UBN1: variants seen among roughly 807,000 people sequenced by gnomAD.
UBN1 encodes ubinuclein-1.
A neutral mutation model predicts 108.5 loss-of-function variants in UBN1; 17 were observed. The observed-to-expected ratio is 0.16, with a 90% CI of 0.11 to 0.24. The LOEUF (loss-of-function observed/expected upper bound fraction) is 0.24, where lower values mean the gene tolerates loss of function less well. Ranked by LOEUF, UBN1 falls within the 10% of genes least tolerant of loss-of-function variation. The pLI is 1.00. For synonymous variants in UBN1, 726 were observed against 564.2 expected, an observed-to-expected ratio of 1.29 and a Z score of -4.07; for missense variants, 1,595 against 1,394.4, an observed-to-expected ratio of 1.14 and a Z score of -2.29.
Position 4,877,121 on chromosome 16 carries a change from T to C in UBN1, c.3265+10T>C. On this transcript the variant is annotated intron_variant, in intron 16 of 17. Coordinates refer to ENST00000262376, the MANE Select transcript of UBN1 (RefSeq NM_001079514.3). This position sits in a 1 kb window ranked among gnomAD's most constrained non-coding sequence, Gnocchi z 4.3. ...CATGGCCTTGGCCACAGTAAGTGCT[T>C]CTTTGCTGCCTCTGGTCACTCAGGA... 6.3e-7 allele frequency: 1 copy of C among 1,599,426 alleles called. No homozygotes were observed. Among genetic ancestry groups the C allele is most frequent in the Non-Finnish European group, 8.5e-7 (1 of 1,173,284 alleles).
At position 4,854,766 on chromosome 16, in the gene UBN1, A is replaced by T. The variant is rs1051384665; in HGVS notation, c.249+1600A>T. ...GAGACAGAGTCTCGCTCTGTCGCCC[A>T]GGCTGGCATGCAGTGGTGCAATCTT... On this transcript the variant is annotated intron_variant, in intron 2 of 17. Coordinates refer to ENST00000262376, the MANE Select transcript of UBN1 (RefSeq NM_001079514.3). 9.9e-5 allele frequency among the ~76,000 whole-genome samples: 15 copies of T among 151,022 alleles called. 1 individual carries two copies. The highest frequency in any genetic ancestry group is 5.9e-4 in the Admixed American group (9 of 15,142).
At chr16:4,858,249 A>G (rs1425611093) in intron 3 of UBN1, among the ~76,000 whole-genome samples, 173 bp downstream of exon 3, 2 of 152,264 alleles carry the variant, frequency 1.3e-5, no homozygotes, top group Admixed American at 6.5e-5. Flanking sequence ...GAAAAGGGGC[A>G]TGGCAGAGCT....
intron 12 of UBN1, chr16:4,872,372 GC>G: frequency 1.0e-6 from 1 of 984,014 alleles, no homozygotes; most frequent in Non-Finnish European, 1.2e-6. Flanking sequence ...GCCAGACTCA[GC>G]CTTTGGGCAG....
At chr16:4,865,409 G>A (rs956976241) in intron 7 of UBN1, among the ~76,000 whole-genome samples, 28 of 152,234 alleles carry the variant, frequency 1.8e-4, no homozygotes, top group East Asian at 7.7e-4. Context: ...GGCAGGGCGC[G>A]GTGGCTCATG....
chr16:4,851,162 CA>C (rs2142104631), intron 1 of UBN1, among the ~76,000 whole-genome samples: 1 of 152,248 alleles, frequency 6.6e-6, no homozygotes, highest in South Asian at 2.1e-4. Context: ...TATAGCATAG[CA>C]AATTCATCTG....
intron 2 of UBN1, among the ~76,000 whole-genome samples, chr16:4,854,194 C>A (rs147084870): frequency 1.4e-5 from 2 of 144,376 alleles, no homozygotes; most frequent in Non-Finnish European, 3.0e-5. Flanking sequence ...CCACCACGCC[C>A]GGCAAATTTT....
In UBN1 at chr16:4,875,371, G is replaced by A; in HGVS notation, c.2961G>A (p.Leu987=). ...GTGGGACCCAGGGAGTGGCAAAGTT[G>A]CTGACCTCGCCGTCCCTAAAGCCCT... ...SSGGTQGVAK[L]LTSPSLKPSA... The change falls in exon 15 of 18, where the codon TTG becomes TTA. Residue 987 remains leucine (L), a synonymous_variant. Transcript: ENST00000262376. The A allele has an allele frequency of 6.2e-7, 1 of 1,614,176 alleles. No individual in the cohort carries two copies. Among genetic ancestry groups the A allele is most frequent in the South Asian group, 1.1e-5 (1 of 91,088 alleles).
rs1320596239 is a variant in UBN1 at position 4,877,097 on chromosome 16, A to G, written c.3251A>G (p.His1084Arg). The G allele has an allele frequency of 1.2e-6, 2 of 1,611,204 alleles. No homozygotes were observed. The highest frequency in any genetic ancestry group is 1.7e-6 in the Non-Finnish European group (2 of 1,178,594). ...VTGPAPGSFH[H>R]GLGHSLLAGL... ...GGCCCTGCCCCCGGGTCCTTCCACC[A>G]TGGCCTTGGCCACAGTAAGTGCTTC... Residue 1084 changes from histidine (H) to arginine (R), a missense_variant, in exon 16 of 18, where the codon CAT (histidine) becomes CGT (arginine). Physicochemically the swap from His to Arg is conservative, Grantham distance 29. Around this residue, in one of 3 missense-constraint regions of UBN1, gnomAD observed 1,398 missense variants for 1,194.7 expected, o/e 1.17. Coordinates refer to ENST00000262376, the MANE Select transcript of UBN1 (RefSeq NM_001079514.3). The surrounding 1 kb of genome is among the most constrained non-coding windows in gnomAD (Gnocchi z 4.3).
rs192730873 is a variant in UBN1 at position 4,853,525 on chromosome 16, C to T, written c.249+359C>T. Among the ~76,000 whole-genome samples the T allele has an allele frequency of 6.6e-3, 973 of 147,310 alleles. 18 individuals carry two copies. Among genetic ancestry groups the T allele is most frequent in the African/African-American group, 0.023 (930 of 40,258 alleles). On this transcript the variant is annotated intron_variant, in intron 2 of 17. Transcript: ENST00000262376. ...GCTGTCTACCTAGTATAGGGGCAGA[C>T]AAAAAAACACGTAGACTGCCTTTTT... is the stretch of plus-strand genomic sequence containing the variant.
chr16:4,859,948 G>A lies in UBN1; in HGVS notation c.651G>A (p.Lys217=), dbSNP rs1596487030. ...DTYDKEKKSK[K]SKFSKAGFTA... ...ATGACAAGGAGAAGAAATCGAAAAAGTCCAAGTTTTCCAAAGCCGGGTGAG... is the reference window on the plus strand; with the variant it reads ...ATGACAAGGAGAAGAAATCGAAAAAATCCAAGTTTTCCAAAGCCGGGTGAG... The change falls in exon 6 of 18, where the codon AAG becomes AAA. Residue 217 remains lysine, a synonymous_variant. Coordinates refer to ENST00000262376, the MANE Select transcript of UBN1 (RefSeq NM_001079514.3). The A allele has an allele frequency of 3.1e-6, 5 of 1,614,162 alleles. No individual in the cohort carries two copies. The highest frequency in any genetic ancestry group is 4.2e-6 in the Non-Finnish European group (5 of 1,180,004).
intron 2 of UBN1, among the ~76,000 whole-genome samples, chr16:4,856,315 G>A (rs578064451): frequency 6.6e-6 from 1 of 152,270 alleles, no homozygotes; most frequent in African/African-American, 2.4e-5. Flanking sequence ...CCTGGACTTC[G>A]GGTTCAGAAC....
intron 12 of UBN1, chr16:4,872,259 A>T (rs2087680042): frequency 1.0e-6 from 1 of 985,192 alleles, no homozygotes; most frequent in African/African-American, 1.7e-5. Flanking sequence ...TCCACATTTT[A>T]TTCCTGGAAT....
At chr16:4,867,631 G>T (rs1187205595) in intron 7 of UBN1, among the ~76,000 whole-genome samples, 4 of 152,194 alleles carry the variant, frequency 2.6e-5, no homozygotes, top group Non-Finnish European at 4.4e-5. Context: ...GAGGGGGAAA[G>T]AAGTTATTGG....
rs547381868 is a variant in UBN1, at chr16:4,852,601, G to A, written c.-39-278G>A. 2.6e-5 allele frequency: 5 copies of A among 189,190 alleles called. No homozygotes were observed. In the East Asian group the frequency reaches 5.4e-4, roughly 21 times the overall value. The allele number at this position is 189,190 out of a possible 1,614,324, so 11.7% of individuals were successfully genotyped here. A position where few individuals can be genotyped will look rare whatever the true frequency, so the allele number is the denominator to read the frequency against. ...AATATTTTAGTAGTCTTTACAATTTGGAGGTCTAAGGCTCTGTCAGCATGG... is the reference window on the plus strand; with the variant it reads ...AATATTTTAGTAGTCTTTACAATTTAGAGGTCTAAGGCTCTGTCAGCATGG... On this transcript the variant is annotated intron_variant, in intron 1 of 17. Coordinates refer to ENST00000262376, the MANE Select transcript of UBN1 (RefSeq NM_001079514.3).
At chr16:4,861,635 C>G (rs574883358) in intron 7 of UBN1, among the ~76,000 whole-genome samples, 1 of 152,230 alleles carries the variant, frequency 6.6e-6, no homozygotes, top group South Asian at 2.1e-4. Context: ...TAAATGCTGT[C>G]CATGTCCCAT....
chr16:4,875,247 C>T lies in UBN1; in HGVS notation c.2837C>T (p.Thr946Ile), dbSNP rs901127515. The change falls in exon 15 of 18, where the codon ACC (threonine) becomes ATC (isoleucine). Residue 946 changes from threonine (T) to isoleucine (I), a missense_variant. Thr to Ile is a moderately conservative substitution (Grantham distance 89). Coordinates refer to ENST00000262376, the MANE Select transcript of UBN1 (RefSeq NM_001079514.3). ...CAGCCTCCCTCCGTGGGACAGGCCA[C>T]CAGCCGACCCGTCCCAAGTTCAGCA... is the stretch of plus-strand genomic sequence containing the variant. ...GIQPPSVGQA[T>I]SRPVPSSAGK... 1 of 1,614,236 alleles carries T rather than the reference C, an allele frequency of 6.2e-7. No homozygotes were observed. Among genetic ancestry groups the T allele is most frequent in the South Asian group, 1.1e-5 (1 of 91,082 alleles).
rs1228025836 is a variant in UBN1, at chr16:4,875,230, C to T, written c.2820C>T (p.Pro940=). Residue 940 remains proline, a synonymous_variant, in exon 15 of 18, where the codon CCC becomes CCT. Transcript: ENST00000262376. ...GCCTGGTCCCTGGCATACAGCCTCC[C>T]TCCGTGGGACAGGCCACCAGCCGAC... ...SGSLVPGIQP[P]SVGQATSRPV... is the part of the protein sequence containing the mutation. 1.9e-6 allele frequency: 3 copies of T among 1,614,094 alleles called. No individual in the cohort carries two copies. Among genetic ancestry groups the T allele is most frequent in the African/African-American group, 2.7e-5 (2 of 74,926 alleles).
intron 2 of UBN1, among the ~76,000 whole-genome samples, chr16:4,855,333 G>T (rs559668664): frequency 6.6e-6 from 1 of 152,124 alleles, no homozygotes; most frequent in South Asian, 2.1e-4. Flanking sequence ...GTGTTTTCTT[G>T]GCCTGGCATA....
At chr16:4,853,473 G>T (rs12325140) in intron 2 of UBN1, among the ~76,000 whole-genome samples, 1 of 151,824 alleles carries the variant, frequency 6.6e-6, no homozygotes, top group African/African-American at 2.4e-5. Context: ...TTTCATGCTG[G>T]ACATTTTCCT....
Sources: gnomAD v4.1 joint callset for allele counts (sites outside exome capture counted in the v4.1 genomes callset) on GRCh38, gnomAD v4.1.1 for gene constraint, gnomAD v4.1.1 regional missense constraint, Gnocchi (gnomAD v3.1) non-coding constraint, MANE v1.5 for transcripts, NCBI Gene and HGNC (gene_info 2026-07-23, HGNC 2026-07-21) for gene names.